Variants in RRAS2 observed in about 807,000 individuals in gnomAD.
RRAS2 encodes RAS related 2.
A neutral mutation model predicts 27.6 loss-of-function variants in RRAS2; 7 were observed. The ratio of observed to expected loss-of-function variants is 0.25; its 90% CI spans 0.14 to 0.48. RRAS2 has a LOEUF of 0.48. Ranked by LOEUF, RRAS2 falls within the 20% of genes least tolerant of loss-of-function variation. RRAS2 has a pLI of 0.99. For missense variants in RRAS2, 178 were observed against 256.2 expected (o/e 0.69, Z 2.08); for synonymous variants, 86 against 90.9 (o/e 0.95, Z 0.31).
At chr11:14,331,319 C>T (rs1848475482) in intron 1 of RRAS2, among the ~76,000 whole-genome samples, 1 of 152,080 alleles carries the variant, frequency 6.6e-6, no homozygotes. Flanking sequence ...TTCTAATGAT[C>T]TAACATATCA....
intron 4 of RRAS2, among the ~76,000 whole-genome samples, chr11:14,293,556 G>T (rs1847469175): frequency 6.6e-6 from 1 of 151,754 alleles, no homozygotes; most frequent in Admixed American, 6.6e-5. Context: ...ATCATCCGCG[G>T]TTTCCCCCAT....
intron 1 of RRAS2, among the ~76,000 whole-genome samples, chr11:14,350,869 A>C (rs1192114917): frequency 2.0e-5 from 3 of 152,208 alleles, no homozygotes; most frequent in Middle Eastern, 6.8e-3. Flanking sequence ...CCAAGAAAGC[A>C]CTCCATATCA....
intron 1 of RRAS2, chr11:14,342,000 G>C (rs1554953347): frequency 1.5e-6 from 1 of 661,108 alleles, no homozygotes; most frequent in Admixed American, 3.8e-5. Flanking sequence ...GTTTTGGAGA[G>C]GACACCACTG....
chr11:14,356,632 G>GT (rs1554955455), intron 1 of RRAS2: 1 of 307,586 alleles, frequency 3.3e-6, no homozygotes, highest in Non-Finnish European at 6.3e-6. Context: ...GCTCAAGTCT[G>GT]TAAGACTCAA....
intron 4 of RRAS2, among the ~76,000 whole-genome samples, chr11:14,288,158 T>C (rs1368826073): frequency 6.6e-6 from 1 of 152,154 alleles, no homozygotes; most frequent in Non-Finnish European, 1.5e-5. Context: ...TTTTTATTTT[T>C]AGTAGAGGCA....
intron 1 of RRAS2, among the ~76,000 whole-genome samples, chr11:14,300,753 A>G (rs531054871): frequency 6.6e-6 from 1 of 152,268 alleles, no homozygotes; most frequent in South Asian, 2.1e-4. Context: ...GTATCTCCCC[A>G]TTCAAAGAAG....
At chr11:14,314,962 C>T (rs2133988418) in intron 1 of RRAS2, among the ~76,000 whole-genome samples, 1 of 152,320 alleles carries the variant, frequency 6.6e-6, no homozygotes, top group South Asian at 2.1e-4. Flanking sequence ...GCTGGGATTA[C>T]AGGAGCCACC....
chr11:14,339,795 T>C (rs1218158502), intron 1 of RRAS2, among the ~76,000 whole-genome samples: 6 of 152,326 alleles, frequency 3.9e-5, no homozygotes, highest in African/African-American at 1.2e-4. Flanking sequence ...CTTATAATCA[T>C]ATACATTTTA....
intron 1 of RRAS2, among the ~76,000 whole-genome samples, chr11:14,339,240 G>C (rs1251138136): frequency 1.7e-5 from 2 of 116,530 alleles, no homozygotes; most frequent in African/African-American, 3.3e-5. Context: ...CCAGTTGTTC[G>C]AGACCAGCCT....
chr11:14,298,681 G>C (rs1477401663), intron 1 of RRAS2, among the ~76,000 whole-genome samples: 1 of 152,120 alleles, frequency 6.6e-6, no homozygotes, highest in Admixed American at 6.6e-5. Context: ...TTTGTCTACA[G>C]AGACCATCAT....
In RRAS2 at chr11:14,358,840, C is replaced by T. The variant is rs1174339583; in HGVS notation, c.31G>A (p.Gly11Ser). The T allele has an allele frequency of 6.7e-7, 1 of 1,484,000 alleles. No individual in the cohort carries two copies. The highest frequency in any genetic ancestry group is 1.5e-5 in the African/African-American group (1 of 68,738). 91.9% of individuals were successfully genotyped at this position (1,484,000 alleles called of 1,614,324 possible). A position where few individuals can be genotyped will look rare whatever the true frequency, so the allele number is the denominator to read the frequency against. The change falls in exon 1 of 6, where the codon GGC becomes AGC. Residue 11 changes from glycine (G) to serine (S), a missense_variant. Physicochemically the swap from Gly to Ser is moderately conservative, Grantham distance 56 (BLOSUM62 0). Coordinates refer to ENST00000256196, the MANE Select transcript of RRAS2 (RefSeq NM_012250.6). This position sits in a 1 kb window ranked among gnomAD's most constrained non-coding sequence, Gnocchi z 5.1. MAAAGWRDGS[G>S]QEKYRLVVVG... ...ACCACGAGCCGGTACTTCTCCTGGCCGGAGCCGTCCCGCCAGCCGGCCGCG... is the reference window on the plus strand; with the variant it reads ...ACCACGAGCCGGTACTTCTCCTGGCTGGAGCCGTCCCGCCAGCCGGCCGCG...
intron 1 of RRAS2, among the ~76,000 whole-genome samples, chr11:14,351,509 A>G (rs887752675): frequency 2.0e-5 from 3 of 152,126 alleles, no homozygotes; most frequent in Non-Finnish European, 2.9e-5. Context: ...GGTGGATCAC[A>G]TAAGGTCAGG....
At chr11:14,315,281 A>G (rs567409155) in intron 1 of RRAS2, among the ~76,000 whole-genome samples, 6 of 152,352 alleles carry the variant, frequency 3.9e-5, no homozygotes, top group African/African-American at 1.4e-4. Context: ...TCACGCTGAC[A>G]GCATGTACTC....
intron 4 of RRAS2, among the ~76,000 whole-genome samples, chr11:14,286,875 C>T (rs575188326): frequency 9.0e-4 from 137 of 152,240 alleles, no homozygotes; most frequent in Non-Finnish European, 1.5e-3. Flanking sequence ...GGAAGGAAGC[C>T]GAGTAAACAC....
At chr11:14,302,422 G>A (rs1847739451) in intron 1 of RRAS2, among the ~76,000 whole-genome samples, 1 of 152,166 alleles carries the variant, frequency 6.6e-6, no homozygotes, top group African/African-American at 2.4e-5. Flanking sequence ...CAAGGGCTCT[G>A]GAGTCGGAGA....
At chr11:14,319,345 C>CCT (rs1281641281) in intron 1 of RRAS2, among the ~76,000 whole-genome samples, 7 of 91,520 alleles carry the variant, frequency 7.6e-5, no homozygotes, top group Non-Finnish European at 1.9e-5. Context: ...TTCCCTCTGT[C>CCT]TTTTTTTTTT....
rs139562897 is a variant in RRAS2 at position 14,287,685 on chromosome 11, A to G, written c.409-5965T>C. 4.3e-3 allele frequency among the ~76,000 whole-genome samples: 649 copies of G among 152,156 alleles called. 2 individuals carry two copies. Among genetic ancestry groups the G allele is most frequent in the African/African-American group, 0.014 (602 of 41,532 alleles). ...TCGGGAGCTCAAGACACGCCTGGCC[A>G]ACATGGTGAAACCCTATCTCTCCTA... On this transcript the variant is annotated intron_variant, in intron 4 of 5. Transcript: ENST00000256196.
At position 14,358,907 on chromosome 11, in the gene RRAS2, C is replaced by A; in HGVS notation, c.-37G>T. The stretch of plus-strand genomic sequence containing the variant: ...AGAGCCCAGCCTGACTGCGCCGAGC[C>A]GCCGCTGCCGCCCGCCCTAGGCCCG... On this transcript the variant is annotated 5_prime_UTR_variant, in exon 1 of 6. Transcript: ENST00000256196. This position sits in a 1 kb window ranked among gnomAD's most constrained non-coding sequence, Gnocchi z 5.1. The A allele has an allele frequency of 7.6e-7, 1 of 1,320,886 alleles. No individual in the cohort carries two copies. The highest frequency in any genetic ancestry group is 3.6e-5 in the East Asian group (1 of 27,734). 81.8% of individuals were successfully genotyped at this position (1,320,886 alleles called of 1,614,324 possible).
intron 1 of RRAS2, among the ~76,000 whole-genome samples, chr11:14,325,310 ATTTT>A (rs35405878): frequency 4.0e-5 from 5 of 124,746 alleles, no homozygotes; most frequent in Admixed American, 1.6e-4. Flanking sequence ...TCCTTTTAGT[ATTTT>A]TTTTTTTTTT....
Sources: allele counts gnomAD v4.1 joint callset (sites outside exome capture counted in the v4.1 genomes callset), GRCh38; gene constraint gnomAD v4.1.1; non-coding constraint Gnocchi (gnomAD v3.1); transcripts MANE v1.5; gene names NCBI Gene and HGNC (gene_info 2026-07-23, HGNC 2026-07-21).